CNTN4: variants seen among roughly 807,000 people sequenced by gnomAD.
CNTN4 encodes contactin-4.
In CNTN4, 77 loss-of-function variants were observed where a neutral mutation model predicts 122.5. That is an observed-to-expected ratio of 0.63 (90% CI 0.52 to 0.76). CNTN4 has a LOEUF of 0.76. Ranked by LOEUF, CNTN4 falls within the 30% of genes least tolerant of loss-of-function variation. The probability of loss-of-function intolerance (pLI) is 0.00; values close to 1 mark genes in which losing one functional copy is unlikely to be tolerated. For synonymous variants in CNTN4, 512 were observed against 447.0 expected (o/e 1.15, Z -1.83); for missense variants, 1,256 against 1,259.1 (o/e 1.00, Z 0.04).
At chr3:2,453,646 G>A (rs6442731) in intron 3 of CNTN4, among the ~76,000 whole-genome samples, 58,938 of 151,970 alleles carry the variant, frequency 0.39, 12,111 homozygotes, top group East Asian at 0.6. Flanking sequence ...GTGCTGTTAA[G>A]AAAATAAAAG....
At position 2,884,889 on chromosome 3, in the gene CNTN4, C is replaced by G. The variant is rs180841076; in HGVS notation, c.755+1642C>G. 2.4e-4 allele frequency among the ~76,000 whole-genome samples: 37 copies of G among 152,302 alleles called. No homozygotes were observed. The East Asian group carries it at 7.0e-3, about 29-fold the overall frequency. On this transcript the variant is annotated intron_variant, in intron 9 of 24. Coordinates refer to ENST00000418658, the MANE Select transcript of CNTN4 (RefSeq NM_175607.3). ...ACAGAAATGTTTGGGTATGCACATC[C>G]AGCTGCTGAAACACATCATCACTGC...
At chr3:2,409,279 G>A (rs1253686491) in intron 3 of CNTN4, among the ~76,000 whole-genome samples, 1 of 137,786 alleles carries the variant, frequency 7.3e-6, no homozygotes, top group East Asian at 2.0e-4. Flanking sequence ...ATAGTGTCTC[G>A]CTCTGTCGCC....
chr3:2,842,294 G>T, intron 7 of CNTN4, among the ~76,000 whole-genome samples: 1 of 152,088 alleles, frequency 6.6e-6, no homozygotes, highest in East Asian at 1.9e-4. Flanking sequence ...CTGTGGTGGT[G>T]GATTCTTTGT....
At chr3:2,938,824 G>A (rs144670192) in intron 13 of CNTN4, among the ~76,000 whole-genome samples, 63 of 152,304 alleles carry the variant, frequency 4.1e-4, no homozygotes, top group Non-Finnish European at 7.3e-4. Context: ...TACCTCAGCC[G>A]TGCCTTTGTT....
At chr3:2,430,457 A>C (rs1418653031) in intron 3 of CNTN4, among the ~76,000 whole-genome samples, 1 of 150,526 alleles carries the variant, frequency 6.6e-6, no homozygotes. Flanking sequence ...TGCAGAAATC[A>C]CCTGTCTTCT....
At chr3:2,217,703 C>T (rs1034033994) in intron 2 of CNTN4, among the ~76,000 whole-genome samples, 1 of 152,166 alleles carries the variant, frequency 6.6e-6, no homozygotes, top group Non-Finnish European at 1.5e-5. Context: ...AAAAAAATCT[C>T]TTTAACAAGG....
chr3:2,326,840 C>A (rs1204832819), intron 2 of CNTN4, among the ~76,000 whole-genome samples: 1 of 152,108 alleles, frequency 6.6e-6, no homozygotes, highest in African/African-American at 2.4e-5. Context: ...GCCCAGGGTC[C>A]TACAGAAGTA....
At chr3:2,941,825 T>G (rs2094618990) in intron 13 of CNTN4, among the ~76,000 whole-genome samples, 1 of 152,202 alleles carries the variant, frequency 6.6e-6, no homozygotes, top group Non-Finnish European at 1.5e-5. Flanking sequence ...GGCTCCTTGC[T>G]GTATTATTTT....
chr3:2,767,101 A>G (rs145720083), intron 6 of CNTN4, among the ~76,000 whole-genome samples: 309 of 152,258 alleles, frequency 2.0e-3, no homozygotes, highest in Non-Finnish European at 3.1e-3. Context: ...TTAGATCTCA[A>G]AAAAAATATA....
intron 4 of CNTN4, among the ~76,000 whole-genome samples, chr3:2,601,670 G>T (rs1265475252): frequency 6.6e-6 from 1 of 152,140 alleles, no homozygotes; most frequent in Non-Finnish European, 1.5e-5. Context: ...TTTGGCTTAG[G>T]ATTGCCTTGG....
At chr3:2,228,564 G>T (rs186969792) in intron 2 of CNTN4, among the ~76,000 whole-genome samples, 2 of 152,156 alleles carry the variant, frequency 1.3e-5, no homozygotes, top group African/African-American at 4.8e-5. Context: ...GTAATGATAA[G>T]ACTGTGATAA....
intron 3 of CNTN4, among the ~76,000 whole-genome samples, chr3:2,520,095 AT>A: frequency 6.6e-6 from 1 of 152,214 alleles, no homozygotes; most frequent in Non-Finnish European, 1.5e-5. Context: ...ATGACACAGA[AT>A]TCAATAAATA....
intron 4 of CNTN4, among the ~76,000 whole-genome samples, chr3:2,651,829 G>T (rs1056947313): frequency 1.3e-5 from 2 of 150,550 alleles, no homozygotes; most frequent in African/African-American, 4.9e-5. Flanking sequence ...TCTTACTCTC[G>T]AGTAGCTGGG....
At chr3:2,476,133 G>A (rs2075827784) in intron 3 of CNTN4, among the ~76,000 whole-genome samples, 1 of 152,156 alleles carries the variant, frequency 6.6e-6, no homozygotes, top group African/African-American at 2.4e-5. Flanking sequence ...CCTTTAGGGT[G>A]GGACTGCTGG....
chr3:3,042,295 C>T lies in CNTN4; in HGVS notation c.2399-15C>T. The T allele has an allele frequency of 6.5e-7, 1 of 1,547,622 alleles. No individual in the cohort carries two copies. Among genetic ancestry groups the T allele is most frequent in the Non-Finnish European group, 8.9e-7 (1 of 1,119,316 alleles). On this transcript the variant is annotated splice_polypyrimidine_tract_variant and intron_variant, in intron 20 of 24. Coordinates refer to ENST00000418658, the MANE Select transcript of CNTN4 (RefSeq NM_175607.3). Reference sequence around the variant, plus strand: ...TAGCTGATAGAGTAATAACTATCTCCATATTCATCTACAGAACCCACCAAA... The same window carrying T: ...TAGCTGATAGAGTAATAACTATCTCTATATTCATCTACAGAACCCACCAAA...
chr3:2,547,946 G>C (rs775279105), intron 3 of CNTN4, among the ~76,000 whole-genome samples: 1 of 152,042 alleles, frequency 6.6e-6, no homozygotes, highest in Non-Finnish European at 1.5e-5. Context: ...ACTGTGAACA[G>C]ACTAGGTGTA....
chr3:2,534,492 TG>T lies in CNTN4; in HGVS notation c.-88-36922del, dbSNP rs972719512. ...TTCCTGTCCTGGCATTCCTTAAGAA[TG>T]GAGGTTGCATCCAGCTGCAGTGTGG... On this transcript the variant is annotated intron_variant, in intron 3 of 24. Transcript: ENST00000418658. 3.4e-4 allele frequency among the ~76,000 whole-genome samples: 52 copies of T among 152,244 alleles called. No individual in the cohort carries two copies. The East Asian group carries it at 3.7e-3, about 11-fold the overall frequency.
chr3:2,538,377 G>A (rs960923047), intron 3 of CNTN4, among the ~76,000 whole-genome samples: 1 of 151,990 alleles, frequency 6.6e-6, no homozygotes, highest in South Asian at 2.1e-4. Context: ...TAAACTCTGG[G>A]ATTAATCCCT....
At chr3:3,009,539 T>C (rs1300761764) in intron 14 of CNTN4, among the ~76,000 whole-genome samples, 1 of 151,062 alleles carries the variant, frequency 6.6e-6, no homozygotes, top group Non-Finnish European at 1.5e-5. Context: ...GTTCCCGCCA[T>C]TCTCCTGCCT....
Sources: gnomAD v4.1 joint callset for allele counts (sites outside exome capture counted in the v4.1 genomes callset) on GRCh38, gnomAD v4.1.1 for gene constraint, MANE v1.5 for transcripts, NCBI Gene and HGNC (gene_info 2026-07-23, HGNC 2026-07-21) for gene names.